Variants in CYSTM1 observed in about 807,000 individuals in gnomAD.
The protein encoded by CYSTM1 is cysteine-rich transmembrane module-containing protein 1.
A neutral mutation model predicts 13.1 loss-of-function variants in CYSTM1; 4 were observed. The ratio of observed to expected loss-of-function variants is 0.31; its 90% CI spans 0.15 to 0.70. The LOEUF (loss-of-function observed/expected upper bound fraction) is 0.70, where lower values mean the gene tolerates loss of function less well. Ranked by LOEUF, CYSTM1 falls within the 30% of genes least tolerant of loss-of-function variation. The probability of loss-of-function intolerance (pLI) is 0.72; values close to 1 mark genes in which losing one functional copy is unlikely to be tolerated. For synonymous variants in CYSTM1, 36 were observed against 42.7 expected (o/e 0.84, Z 0.62); for missense variants, 96 against 121.6 (o/e 0.79, Z 0.99).
intron 2 of CYSTM1, among the ~76,000 whole-genome samples, chr5:140,224,487 A>T (rs1029763577): frequency 6.6e-6 from 1 of 152,042 alleles, no homozygotes; most frequent in African/African-American, 2.4e-5. Flanking sequence ...AAATATCTTC[A>T]CTAGAGGTTA....
At chr5:140,192,616 A>G (rs879270111) in intron 1 of CYSTM1, among the ~76,000 whole-genome samples, 2 of 152,154 alleles carry the variant, frequency 1.3e-5, no homozygotes, top group Admixed American at 6.5e-5. Flanking sequence ...TTGTAGGCCA[A>G]TCTTTCCTAG....
chr5:140,193,865 G>T (rs1764121274), intron 1 of CYSTM1, among the ~76,000 whole-genome samples: 1 of 152,204 alleles, frequency 6.6e-6, no homozygotes, highest in African/African-American at 2.4e-5. Context: ...GCTCAGAGCA[G>T]CGGGTCTGGG....
intron 2 of CYSTM1, chr5:140,228,648 A>G (rs917173031): frequency 5.0e-6 from 2 of 397,752 alleles, no homozygotes; most frequent in African/African-American, 4.1e-5. Context: ...GAGTGTGGTA[A>G]GTTCTACCAG....
At chr5:140,214,903 G>A (rs1340708563) in intron 2 of CYSTM1, among the ~76,000 whole-genome samples, 2 of 152,176 alleles carry the variant, frequency 1.3e-5, no homozygotes, top group African/African-American at 4.8e-5. Flanking sequence ...GAGGTGACAC[G>A]GATCTTCCCC....
chr5:140,229,943 T>C (rs1008434115), intron 2 of CYSTM1, among the ~76,000 whole-genome samples: 10 of 152,228 alleles, frequency 6.6e-5, no homozygotes, highest in Admixed American at 5.9e-4. Flanking sequence ...CGATCTCGGC[T>C]CACTGCAGCC....
intron 2 of CYSTM1, among the ~76,000 whole-genome samples, chr5:140,204,437 G>A (rs1212295117): frequency 1.3e-5 from 2 of 152,134 alleles, no homozygotes; most frequent in African/African-American, 4.8e-5. Flanking sequence ...CCCTGCTGCT[G>A]TGATACAGCA....
chr5:140,225,991 C>T (rs938255596), intron 2 of CYSTM1, among the ~76,000 whole-genome samples: 7 of 152,196 alleles, frequency 4.6e-5, no homozygotes, highest in Admixed American at 1.3e-4. Flanking sequence ...GAGGCTTCTT[C>T]CCAGAGTGGG....
chr5:140,215,035 G>A (rs773210843), intron 2 of CYSTM1, among the ~76,000 whole-genome samples: 3 of 152,212 alleles, frequency 2.0e-5, no homozygotes, highest in Admixed American at 1.3e-4. Context: ...CACAGTGCCC[G>A]TAGGCACCTA....
chr5:140,224,858 G>A (rs774726623), intron 2 of CYSTM1, among the ~76,000 whole-genome samples: 4 of 152,148 alleles, frequency 2.6e-5, no homozygotes, highest in Non-Finnish European at 5.9e-5. Context: ...CTATGCTATG[G>A]GAATACATCA....
chr5:140,188,778 C>CAAAAAAAAAAA (rs34915397), intron 1 of CYSTM1, among the ~76,000 whole-genome samples: 1 of 113,478 alleles, frequency 8.8e-6, no homozygotes, highest in Non-Finnish European at 1.8e-5. Flanking sequence ...GACTCCGTCT[C>CAAAAAAAAAAA]AAAAAAAAAA....
At chr5:140,199,001 C>T (rs1764186762) in intron 2 of CYSTM1, among the ~76,000 whole-genome samples, 1 of 152,132 alleles carries the variant, frequency 6.6e-6, no homozygotes, top group African/African-American at 2.4e-5. Context: ...GTTCCCCTCC[C>T]TGTGTCCATG....
intron 1 of CYSTM1, among the ~76,000 whole-genome samples, chr5:140,193,269 ATTGTTTGT>A (rs36159423): frequency 5.6e-4 from 85 of 151,096 alleles, no homozygotes; most frequent in East Asian, 2.7e-3. Flanking sequence ...TTCCCCAGTA[ATTGTTTGT>A]TTGTTTGTTT....
intron 2 of CYSTM1, among the ~76,000 whole-genome samples, chr5:140,236,278 C>T (rs1764678432): frequency 6.6e-6 from 1 of 152,092 alleles, no homozygotes; most frequent in Admixed American, 6.5e-5. Flanking sequence ...CTATTGAGCC[C>T]CACAGTTACC....
chr5:140,177,078 A>AC (rs771598158), intron 1 of CYSTM1, among the ~76,000 whole-genome samples: 2 of 135,542 alleles, frequency 1.5e-5, no homozygotes, highest in Admixed American at 7.6e-5. Context: ...CAAAAAAAAA[A>AC]AAAAAAAAAT....
chr5:140,242,598 G>A (rs1764764064), intron 2 of CYSTM1, among the ~76,000 whole-genome samples: 2 of 152,158 alleles, frequency 1.3e-5, no homozygotes, highest in African/African-American at 2.4e-5. Flanking sequence ...GTGGGTAGTT[G>A]GGGTCCTTCT....
rs114511263 is a variant in CYSTM1, at chr5:140,185,631, A to T, written c.-20-8815A>T. ...TAAAAAGAAATATCTTGTCCACGTT[A>T]TGCTGACTATCAGAGGTCTCCTGGT... On this transcript the variant is annotated intron_variant, in intron 1 of 2. Coordinates refer to ENST00000261811, the MANE Select transcript of CYSTM1 (RefSeq NM_032412.4). 7.6e-3 allele frequency among the ~76,000 whole-genome samples: 1,165 copies of T among 152,384 alleles called. 13 individuals carry two copies. Among genetic ancestry groups the T allele is most frequent in the African/African-American group, 0.027 (1,110 of 41,584 alleles).
At position 140,194,636 on chromosome 5, in the gene CYSTM1, G is replaced by T. The variant is rs1764134128; in HGVS notation, c.171G>T (p.Glu57Asp). The change falls in exon 2 of 3, where the codon GAG becomes GAT. Residue 57 changes from glutamate to aspartate, a missense_variant. Glu to Asp is a conservative substitution (Grantham distance 45). Coordinates refer to ENST00000261811, the MANE Select transcript of CYSTM1 (RefSeq NM_032412.4). Reference protein sequence around the residue: ...PQYGWQGGPQEPPKTTVYVVE... With the variant: ...PQYGWQGGPQDPPKTTVYVVE... Reference sequence around the variant, plus strand: ...ACGGCTGGCAGGGTGGACCTCAGGAGCCTCCTAAAACCACAGGTGTGTGTC... The same window carrying T: ...ACGGCTGGCAGGGTGGACCTCAGGATCCTCCTAAAACCACAGGTGTGTGTC... 5 of 1,612,830 alleles carry T rather than the reference G, an allele frequency of 3.1e-6. No homozygotes were observed. Among genetic ancestry groups the T allele is most frequent in the Non-Finnish European group, 1.7e-6 (2 of 1,179,496 alleles).
At chr5:140,191,759 A>G (rs1292353858) in intron 1 of CYSTM1, among the ~76,000 whole-genome samples, 1 of 152,230 alleles carries the variant, frequency 6.6e-6, no homozygotes, top group Non-Finnish European at 1.5e-5. Context: ...CAGGACAGAA[A>G]TAGTTATGAT....
intron 1 of CYSTM1, among the ~76,000 whole-genome samples, chr5:140,180,673 A>C (rs550947406): frequency 6.6e-5 from 10 of 152,186 alleles, no homozygotes; most frequent in Non-Finnish European, 1.3e-4. Context: ...TTAGGCCTCC[A>C]AGTCAGATCT....
Sources: allele counts gnomAD v4.1 joint callset (sites outside exome capture counted in the v4.1 genomes callset), GRCh38; gene constraint gnomAD v4.1.1; transcripts MANE v1.5; gene names NCBI Gene and HGNC (gene_info 2026-07-23, HGNC 2026-07-21).